The following SORCS3 variants were observed in gnomAD, a reference collection of about 807,000 sequenced individuals.
SORCS3 encodes the protein sortilin related VPS10 domain containing receptor 3.
Under a neutral mutation model 146.3 loss-of-function variants are expected in SORCS3, and 57 were observed. That is an observed-to-expected ratio of 0.39 (90% confidence interval 0.31 to 0.49). The LOEUF (loss-of-function observed/expected upper bound fraction) is 0.49. Among genes scored for constraint, SORCS3 ranks in the 20% least tolerant of loss-of-function variants. SORCS3 has a pLI of 0.92. For missense variants in SORCS3, 1,341 were observed against 1,575.5 expected (o/e 0.85, Z 2.52); for synonymous variants, 653 against 618.5 (o/e 1.06, Z -0.83).
chr10:105,259,793 G>A (rs2056950408), intron 25 of SORCS3, among the ~76,000 whole-genome samples: 2 of 152,006 alleles, frequency 1.3e-5, no homozygotes, highest in African/African-American at 4.8e-5. Context: ...CCTCCTACAG[G>A]CTTCTAACAC....
chr10:104,669,696 C>T (rs2015827337), intron 1 of SORCS3, among the ~76,000 whole-genome samples: 1 of 152,188 alleles, frequency 6.6e-6, no homozygotes. Context: ...TTGCTATGAA[C>T]ATGGGTATAT....
intron 4 of SORCS3, among the ~76,000 whole-genome samples, chr10:105,000,297 C>T (rs1289492102): frequency 6.6e-6 from 1 of 151,606 alleles, no homozygotes; most frequent in Non-Finnish European, 1.5e-5. Flanking sequence ...TAATCCCAAG[C>T]CTCATGGTAC....
At chr10:104,642,022 G>GCAC in intron 1 of SORCS3, 68 bp downstream of exon 1, 1 of 173,336 alleles carries the variant, frequency 5.8e-6, no homozygotes, top group Non-Finnish European at 1.1e-5. Context: ...GGGTGGGTGG[G>GCAC]AGCGAGGGAC....
chr10:105,258,963 A>G (rs926136327), intron 25 of SORCS3, among the ~76,000 whole-genome samples: 2 of 152,126 alleles, frequency 1.3e-5, no homozygotes, highest in Admixed American at 1.3e-4. Context: ...CCTTTGGTTG[A>G]AATTCTGTGG....
chr10:105,136,143 T>C (rs1212442441), intron 7 of SORCS3, among the ~76,000 whole-genome samples: 9 of 152,212 alleles, frequency 5.9e-5, no homozygotes, highest in African/African-American at 2.2e-4. Flanking sequence ...TTTCTGCTAC[T>C]ATAGCAAAAT....
In SORCS3 at chr10:105,163,878, G is replaced by GCACA. The variant is rs1252153357; in HGVS notation, c.1733-424_1733-421dup. On this transcript the variant is annotated intron_variant, in intron 11 of 26. Transcript: ENST00000369701. ...AACATACACACAGACACACAGTTAC[G>GCACA]CACATACACACACACACACACACAC... is the stretch of plus-strand genomic sequence containing the variant. Among the ~76,000 whole-genome samples the GCACA allele has an allele frequency of 1.9e-3, 211 of 112,478 alleles. 1 individual carries two copies. The highest frequency in any genetic ancestry group is 7.4e-3 in the African/African-American group (198 of 26,622). 73.8% of individuals were successfully genotyped at this position (112,478 alleles called of 152,430 possible).
At chr10:104,826,636 G>A (rs998305306) in intron 1 of SORCS3, among the ~76,000 whole-genome samples, 1 of 152,172 alleles carries the variant, frequency 6.6e-6, no homozygotes, top group African/African-American at 2.4e-5. Context: ...TGCTGGTAGA[G>A]GGTCTTGCCT....
intron 11 of SORCS3, among the ~76,000 whole-genome samples, chr10:105,161,837 T>A (rs970959153): frequency 2.6e-5 from 4 of 152,164 alleles, no homozygotes; most frequent in Non-Finnish European, 5.9e-5. Flanking sequence ...CCACAATCTC[T>A]CTGATTCCAC....
At position 105,263,547 on chromosome 10, in the gene SORCS3, T is replaced by C; in HGVS notation, c.*173T>C. 1 of 615,424 alleles carries C rather than the reference T, an allele frequency of 1.6e-6. No homozygotes were observed. The highest frequency in any genetic ancestry group is 2.8e-6 in the Non-Finnish European group (1 of 351,620). 38.1% of individuals were successfully genotyped at this position (615,424 alleles called of 1,614,324 possible). The stretch of plus-strand genomic sequence containing the variant: ...GGAGAAAAGGGCATTCTTAGCTGAT[T>C]GAAATGAGACAAAGGGAATAAATGG... On this transcript the variant is annotated 3_prime_UTR_variant, in exon 27 of 27. Coordinates refer to ENST00000369701, the MANE Select transcript of SORCS3 (RefSeq NM_014978.3).
chr10:105,035,632 TA>T (rs1348881423), intron 4 of SORCS3, among the ~76,000 whole-genome samples: 3 of 151,974 alleles, frequency 2.0e-5, no homozygotes, highest in African/African-American at 7.3e-5. Flanking sequence ...CAGGCCTGGC[TA>T]ATTTTTGTAT....
chr10:105,093,395 T>G (rs1341675057), intron 6 of SORCS3, among the ~76,000 whole-genome samples: 1 of 152,092 alleles, frequency 6.6e-6, no homozygotes. Flanking sequence ...ACAGCAAAAT[T>G]GATAAAATAA....
Position 105,062,755 on chromosome 10 carries a change from C to G in SORCS3, c.1028+19627C>G, listed in dbSNP as rs149255231. On this transcript the variant is annotated intron_variant, in intron 5 of 26. Coordinates refer to ENST00000369701, the MANE Select transcript of SORCS3 (RefSeq NM_014978.3). ...AACTTCATTCCTTTCTGTACTGAAC[C>G]CCACCCTTGATTGTTTGTCCAAGGA... Among the ~76,000 whole-genome samples, 138 of 152,258 alleles carry G rather than the reference C, an allele frequency of 9.1e-4. 1 individual carries two copies. The highest frequency in any genetic ancestry group is 7.5e-3 in the South Asian group (36 of 4,818).
intron 7 of SORCS3, among the ~76,000 whole-genome samples, chr10:105,125,770 G>A (rs930143962): frequency 4.6e-5 from 7 of 151,344 alleles, no homozygotes; most frequent in Non-Finnish European, 8.8e-5. Flanking sequence ...TAGGAAACCA[G>A]GACCAAGGAA....
intron 14 of SORCS3, among the ~76,000 whole-genome samples, chr10:105,180,041 A>C (rs540344442): frequency 6.6e-6 from 1 of 152,326 alleles, no homozygotes; most frequent in South Asian, 2.1e-4. Context: ...GATTTGGAGA[A>C]TTTATATATT....
At chr10:104,802,315 C>A (rs933745451) in intron 1 of SORCS3, among the ~76,000 whole-genome samples, 1 of 152,160 alleles carries the variant, frequency 6.6e-6, no homozygotes, top group Non-Finnish European at 1.5e-5. Flanking sequence ...AGTTGAAAAG[C>A]AGCCACAACA....
chr10:104,988,345 C>A (rs1455649717), intron 4 of SORCS3, among the ~76,000 whole-genome samples: 2 of 152,134 alleles, frequency 1.3e-5, no homozygotes, highest in Non-Finnish European at 2.9e-5. Flanking sequence ...GGAAACCAAA[C>A]CTTCAAATGA....
chr10:105,031,318 C>G lies in SORCS3; in HGVS notation c.955-11737C>G, dbSNP rs1045782564. 5.7e-5 allele frequency among the ~76,000 whole-genome samples: 6 copies of G among 104,848 alleles called. No homozygotes were observed. In the East Asian group the frequency reaches 1.4e-3, roughly 25 times the overall value. 68.8% of individuals were successfully genotyped at this position (104,848 alleles called of 152,430 possible). On this transcript the variant is annotated intron_variant, in intron 4 of 26. Coordinates refer to ENST00000369701, the MANE Select transcript of SORCS3 (RefSeq NM_014978.3). ...TAGTCTCAAAAAAACAAACAAACAACACACACACACACAAACACACACACA... is the reference window on the plus strand; with the variant it reads ...TAGTCTCAAAAAAACAAACAAACAAGACACACACACACAAACACACACACA...
Position 104,812,122 on chromosome 10 carries a change from C to T in SORCS3, c.628-30670C>T, listed in dbSNP as rs571669884. Among the ~76,000 whole-genome samples, 7 of 152,318 alleles carry T rather than the reference C, an allele frequency of 4.6e-5. No homozygotes were observed. In the South Asian group the frequency reaches 1.5e-3, roughly 32 times the overall value. Reference sequence around the variant, plus strand: ...CCAGATGAAGGGTAGACAGAGATTTCCATCTCTCTTGGAGAACTCTCCTGT... The same window carrying T: ...CCAGATGAAGGGTAGACAGAGATTTTCATCTCTCTTGGAGAACTCTCCTGT... On this transcript the variant is annotated intron_variant, in intron 1 of 26. Coordinates refer to ENST00000369701, the MANE Select transcript of SORCS3 (RefSeq NM_014978.3).
At chr10:104,710,499 A>G (rs2016402407) in intron 1 of SORCS3, among the ~76,000 whole-genome samples, 2 of 152,254 alleles carry the variant, frequency 1.3e-5, no homozygotes. Context: ...TGTACAATCC[A>G]TGAAGAAGAG....
Sources: gnomAD v4.1 joint callset for allele counts (sites outside exome capture counted in the v4.1 genomes callset) on GRCh38, gnomAD v4.1.1 for gene constraint, MANE v1.5 for transcripts, NCBI Gene and HGNC (gene_info 2026-07-23, HGNC 2026-07-21) for gene names.